TDRD3: variants seen among roughly 807,000 people sequenced by gnomAD.
TDRD3 encodes tudor domain containing 3.
TDRD3 carries 45 observed loss-of-function variants against 86.7 expected under a neutral mutation model. The observed-to-expected ratio is 0.52, with a 90% CI of 0.41 to 0.67. The LOEUF is 0.67. Among genes scored for constraint, TDRD3 ranks in the 30% least tolerant of loss-of-function variants. The pLI, the probability that TDRD3 is intolerant of heterozygous loss-of-function variation, is 0.00. For missense variants in TDRD3, 814 were observed against 889.0 expected, an observed-to-expected ratio of 0.92 and a Z score of 1.07; for synonymous variants, 298 against 301.7, an observed-to-expected ratio of 0.99 and a Z score of 0.13.
chr13:60,559,754 T>A (rs1340477201), intron 12 of TDRD3, among the ~76,000 whole-genome samples: 1 of 152,088 alleles, frequency 6.6e-6, no homozygotes, highest in Non-Finnish European at 1.5e-5. Flanking sequence ...AATGAGGAGA[T>A]GTTGGTCAAA....
At position 60,489,893 on chromosome 13, in the gene TDRD3, AT is replaced by A. The variant is rs150914032; in HGVS notation, c.717+3948del. The stretch of plus-strand genomic sequence containing the variant: ...ATAGAAAGATGTTCTTTTGATTTAC[AT>A]TTATCTCAAATGAACTTTTCTACCA... On this transcript the variant is annotated intron_variant, in intron 7 of 13. Transcript: ENST00000377881. Among the ~76,000 whole-genome samples, 1,174 of 152,236 alleles carry A rather than the reference AT, an allele frequency of 7.7e-3. 16 individuals carry two copies. The highest frequency in any genetic ancestry group is 0.027 in the African/African-American group (1,114 of 41,554).
At chr13:60,450,413 A>G (rs941824925) in intron 3 of TDRD3, among the ~76,000 whole-genome samples, 1 of 152,196 alleles carries the variant, frequency 6.6e-6, no homozygotes, top group Non-Finnish European at 1.5e-5. Flanking sequence ...GGCATGAGAT[A>G]GATCCGAATT....
chr13:60,536,833 A>G (rs1042413067), intron 12 of TDRD3: 12 of 151,970 alleles, frequency 7.9e-5, no homozygotes, highest in African/African-American at 2.2e-4. Context: ...TAGCTCTTCT[A>G]TTCAGAGGTG....
At chr13:60,544,902 A>G (rs186059723) in intron 12 of TDRD3, among the ~76,000 whole-genome samples, 6 of 152,306 alleles carry the variant, frequency 3.9e-5, no homozygotes, top group Admixed American at 3.9e-4. Flanking sequence ...TTAAGTTAGT[A>G]TATGAACTGG....
intron 10 of TDRD3, among the ~76,000 whole-genome samples, chr13:60,520,899 A>G (rs1277339788): frequency 6.6e-6 from 1 of 152,210 alleles, no homozygotes; most frequent in African/African-American, 2.4e-5. Context: ...CCCAGGAGAA[A>G]GCAGTTTTAT....
intron 3 of TDRD3, among the ~76,000 whole-genome samples, chr13:60,452,529 T>C (rs781425784): frequency 1.3e-5 from 2 of 152,148 alleles, no homozygotes; most frequent in Non-Finnish European, 2.9e-5. Context: ...CTTTTCTTGG[T>C]ATTTCACGTG....
rs1210097114 is a variant in TDRD3 at position 60,397,272 on chromosome 13, CT to C, written c.-80del. 35,443 of 447,142 alleles carry C rather than the reference CT, an allele frequency of 0.079. No homozygotes were observed. Among genetic ancestry groups the C allele is most frequent in the East Asian group, 0.12 (2,276 of 19,428 alleles). 27.7% of individuals were successfully genotyped at this position (447,142 alleles called of 1,614,324 possible). On this transcript the variant is annotated 5_prime_UTR_variant, in exon 1 of 14. The change creates a premature stop within an existing upstream ORF in the 5' untranslated region. Transcript: ENST00000377881. Reference sequence around the variant, plus strand: ...CCAGAGGAGTTTTTTCTTTTCTTTTCTTTTTTTTTTTTTAAGGGGGGGGGTC... The same window carrying C: ...CCAGAGGAGTTTTTTCTTTTCTTTTCTTTTTTTTTTTTAAGGGGGGGGGTC...
intron 12 of TDRD3, among the ~76,000 whole-genome samples, chr13:60,559,777 T>G (rs188798296): frequency 1.4e-4 from 22 of 152,290 alleles, no homozygotes; most frequent in Admixed American, 1.4e-3. Flanking sequence ...TTACGAAGTT[T>G]CAGTTATGCC....
chr13:60,414,168 G>A (rs756002980), intron 1 of TDRD3, among the ~76,000 whole-genome samples: 3 of 151,080 alleles, frequency 2.0e-5, no homozygotes, highest in Non-Finnish European at 1.5e-5. Context: ...GACAATGTAC[G>A]TTTTTTTTTA....
intron 5 of TDRD3, among the ~76,000 whole-genome samples, chr13:60,478,758 T>C (rs180994298): frequency 1.5e-4 from 23 of 152,122 alleles, no homozygotes; most frequent in Non-Finnish European, 2.4e-4. Flanking sequence ...GTTCTTTTTA[T>C]TCTTGTTCTT....
intron 13 of TDRD3, 97 bp downstream of exon 13, chr13:60,567,747 A>G: frequency 6.8e-7 from 1 of 1,476,820 alleles, no homozygotes; most frequent in South Asian, 1.3e-5. Flanking sequence ...CTCTGAGACG[A>G]AGTTTCACTC....
At chr13:60,429,713 G>A (rs1319456078) in intron 1 of TDRD3, among the ~76,000 whole-genome samples, 2 of 152,126 alleles carry the variant, frequency 1.3e-5, no homozygotes, top group African/African-American at 2.4e-5. Context: ...TGAGTAGCCT[G>A]CTAGAAATAT....
chr13:60,483,657 T>A, intron 5 of TDRD3, 118 bp from the exon 6 acceptor site: 3 of 883,462 alleles, frequency 3.4e-6, no homozygotes, highest in Non-Finnish European at 4.9e-6. Context: ...GGAAGGCCTT[T>A]TTTTTTCCTA....
chr13:60,505,826 T>G (rs1282038444), intron 8 of TDRD3, among the ~76,000 whole-genome samples: 1 of 151,942 alleles, frequency 6.6e-6, no homozygotes, highest in African/African-American at 2.4e-5. Flanking sequence ...AAGACAAGAT[T>G]AGAGAAAAAA....
Position 60,481,932 on chromosome 13 carries a change from A to G in TDRD3, c.496-1843A>G, listed in dbSNP as rs151030675. On this transcript the variant is annotated intron_variant, in intron 5 of 13. Transcript: ENST00000377881. Reference sequence around the variant, plus strand: ...TTTGACCCCTTCAAGATGTGTATTCAAGCTTTGAAAGGAGTATCTAGCATA... The same window carrying G: ...TTTGACCCCTTCAAGATGTGTATTCGAGCTTTGAAAGGAGTATCTAGCATA... 2.9e-3 allele frequency among the ~76,000 whole-genome samples: 443 copies of G among 152,312 alleles called. 2 individuals are homozygous for G. The highest frequency in any genetic ancestry group is 0.01 in the African/African-American group (429 of 41,564).
At position 60,467,375 on chromosome 13, in the gene TDRD3, A is replaced by G; in HGVS notation, c.491A>G (p.Gln164Arg). ...CACCTTATTGAGAAATGGGAGTTAC[A>G]GAGAGTAAGTGTAAACTATGGCTTG... is the stretch of plus-strand genomic sequence containing the variant. ...VEHLIEKWEL[Q>R]RSLSKHNRSN... The change falls in exon 5 of 14, where the codon CAG becomes CGG. Residue 164 changes from glutamine (Q) to arginine (R), a missense_variant. Physicochemically the swap from Gln to Arg is conservative, Grantham distance 43. Transcript: ENST00000377881. 2 of 1,613,650 alleles carry G rather than the reference A, an allele frequency of 1.2e-6. No individual in the cohort carries two copies. Among genetic ancestry groups the G allele is most frequent in the Non-Finnish European group, 1.7e-6 (2 of 1,179,750 alleles).
intron 12 of TDRD3, among the ~76,000 whole-genome samples, chr13:60,549,886 G>A (rs1420126199): frequency 6.6e-6 from 1 of 151,508 alleles, no homozygotes; most frequent in Non-Finnish European, 1.5e-5. Context: ...TACTAGCTGT[G>A]GAATTATAAA....
chr13:60,511,487 G>A (rs1957059822), intron 10 of TDRD3, among the ~76,000 whole-genome samples: 1 of 152,160 alleles, frequency 6.6e-6, no homozygotes, highest in African/African-American at 2.4e-5. Context: ...TGTTTGATGT[G>A]GGCAAGATTT....
chr13:60,399,761 G>A (rs1382576390), intron 1 of TDRD3, among the ~76,000 whole-genome samples: 1 of 152,158 alleles, frequency 6.6e-6, no homozygotes, highest in Non-Finnish European at 1.5e-5. Flanking sequence ...CTAAAACATG[G>A]ACACACTATT....
Sources: allele counts gnomAD v4.1 joint callset (sites outside exome capture counted in the v4.1 genomes callset), GRCh38; gene constraint gnomAD v4.1.1; transcripts MANE v1.5; gene names NCBI Gene and HGNC (gene_info 2026-07-23, HGNC 2026-07-21).